The following NUP155 variants were observed in gnomAD, a reference collection of about 807,000 sequenced individuals.
NUP155 encodes nuclear pore complex protein Nup155.
Under a neutral mutation model 180.4 loss-of-function variants are expected in NUP155, and 71 were observed. That is an observed-to-expected ratio of 0.39 (90% CI 0.33 to 0.48). NUP155 has a LOEUF of 0.48. NUP155 is among the 20% of genes least tolerant of loss of function. The pLI, the probability that NUP155 is intolerant of heterozygous loss-of-function variation, is 0.91. For synonymous variants in NUP155, 582 were observed against 559.5 expected (o/e 1.04, Z -0.57); for missense variants, 1,553 against 1,648.9 (o/e 0.94, Z 1.01).
At chr5:37,304,321 A>C (rs999187007) in intron 27 of NUP155, among the ~76,000 whole-genome samples, 1 of 151,842 alleles carries the variant, frequency 6.6e-6, no homozygotes, top group Non-Finnish European at 1.5e-5. Context: ...CTTTGATAAC[A>C]CAGCTATTGA....
rs529978146 is a variant in NUP155 at position 37,298,692 on chromosome 5, CTTCA to C, written c.3793+172_3793+175del. ...GTCACAGAAAGTTTCATACTCAACT[CTTCA>C]TTAACAAATTCTGCCATTCTTTGGA... On this transcript the variant is annotated intron_variant, in intron 32 of 34. Coordinates refer to ENST00000231498, the MANE Select transcript of NUP155 (RefSeq NM_153485.3). Among the ~76,000 whole-genome samples, 8 of 152,318 alleles carry C rather than the reference CTTCA, an allele frequency of 5.3e-5. No individual in the cohort carries two copies. In the South Asian group the frequency reaches 1.7e-3, roughly 32 times the overall value.
intron 32 of NUP155, among the ~76,000 whole-genome samples, chr5:37,296,438 C>T (rs928855644): frequency 2.6e-5 from 4 of 151,982 alleles, no homozygotes. Flanking sequence ...GGATTAAGGG[C>T]GGTGCAAGAT....
intron 18 of NUP155, among the ~76,000 whole-genome samples, chr5:37,326,231 G>C (rs1006912784): frequency 5.9e-5 from 9 of 151,980 alleles, no homozygotes; most frequent in African/African-American, 2.2e-4. Context: ...ATTTATAAAG[G>C]GGCTCTGTAC....
intron 20 of NUP155, among the ~76,000 whole-genome samples, chr5:37,319,145 C>A (rs1744088246): frequency 6.6e-6 from 1 of 152,158 alleles, no homozygotes; most frequent in Admixed American, 6.6e-5. Flanking sequence ...AGAATAGGCA[C>A]ATCTACAGAG....
intron 4 of NUP155, among the ~76,000 whole-genome samples, chr5:37,353,591 A>T (rs1746614696): frequency 6.6e-6 from 1 of 152,142 alleles, no homozygotes; most frequent in Admixed American, 6.6e-5. Context: ...CAAAAAAAAT[A>T]AAAAAATAAA....
At chr5:37,300,022 C>T (rs1334914346) in intron 30 of NUP155, among the ~76,000 whole-genome samples, 6 of 146,564 alleles carry the variant, frequency 4.1e-5, no homozygotes, top group Admixed American at 1.4e-4. Context: ...TGTCTCCCCC[C>T]GCCAAAAAAA....
chr5:37,329,630 A>G (rs1744828100), intron 15 of NUP155, among the ~76,000 whole-genome samples: 1 of 152,230 alleles, frequency 6.6e-6, no homozygotes, highest in South Asian at 2.1e-4. Flanking sequence ...CACATTTCAA[A>G]TTCTTAAATA....
intron 10 of NUP155, 49 bp from the exon 11 acceptor site, chr5:37,341,291 A>C: frequency 6.6e-7 from 1 of 1,518,422 alleles, no homozygotes; most frequent in Non-Finnish European, 9.1e-7. Flanking sequence ...CAAGGACCTG[A>C]GGTAAATGTG....
chr5:37,370,907 TC>T lies in NUP155; in HGVS notation c.70del (p.Glu24LysfsTer82), dbSNP rs901622297. The T allele has an allele frequency of 6.2e-7, 1 of 1,614,078 alleles. No homozygotes were observed. Among genetic ancestry groups the T allele is most frequent in the African/African-American group, 1.3e-5 (1 of 74,942 alleles). On this transcript the variant is annotated frameshift_variant, in exon 1 of 35. Coordinates refer to ENST00000231498, the MANE Select transcript of NUP155 (RefSeq NM_153485.3). LOFTEE classifies it high-confidence loss of function. ...TSAAALQEAL[E>X]NAGRLIDRQL... ...ACGGTCGATGAGCCGTCCAGCATTT[TC>T]CAGAGCTTCCTGCAGGGCTGCGGCA...
At chr5:37,333,764 G>A (rs1159469672) in intron 12 of NUP155, 131 bp from the exon 13 acceptor site, 13 of 707,702 alleles carry the variant, frequency 1.8e-5, no homozygotes, top group South Asian at 7.2e-5. Flanking sequence ...AAAGTATTAT[G>A]TAATTTTCTA....
chr5:37,321,214 T>C (rs1744220889), intron 20 of NUP155, among the ~76,000 whole-genome samples: 1 of 151,768 alleles, frequency 6.6e-6, no homozygotes, highest in South Asian at 2.1e-4. Context: ...GGCATGGTGG[T>C]GTGGGGCTGT....
At chr5:37,299,224 T>C (rs1031875112) in intron 31 of NUP155, among the ~76,000 whole-genome samples, 6 of 152,176 alleles carry the variant, frequency 3.9e-5, no homozygotes, top group African/African-American at 1.4e-4. Flanking sequence ...ATAATATAAA[T>C]TAAATAACCT....
chr5:37,341,240 C>T lies in NUP155; in HGVS notation c.1096G>A (p.Val366Ile). ...CQLLAVTHAG[V>I]RLYFSTCPFR... ...GGACAAGTGCTAAAATATAACCTAA[C>T]ACCTGAAGATGGGGTAAAATTATGC... The change falls in exon 11 of 35, where the codon GTT (valine) becomes ATT (isoleucine). Residue 366 changes from valine (V) to isoleucine (I), a missense_variant and splice_region_variant. Val to Ile is a conservative substitution (Grantham distance 29, BLOSUM62 3). Transcript: ENST00000231498. The T allele has an allele frequency of 6.2e-7, 1 of 1,613,806 alleles. No individual in the cohort carries two copies. The highest frequency in any genetic ancestry group is 8.5e-7 in the Non-Finnish European group (1 of 1,179,726).
At chr5:37,334,532 C>T (rs895824208) in intron 12 of NUP155, among the ~76,000 whole-genome samples, 9 of 152,152 alleles carry the variant, frequency 5.9e-5, no homozygotes, top group Admixed American at 1.3e-4. Flanking sequence ...AGACGCACAC[C>T]ACCATACCCG....
intron 24 of NUP155, 51 bp downstream of exon 24, chr5:37,309,078 T>C: frequency 6.3e-7 from 1 of 1,587,164 alleles, no homozygotes; most frequent in Non-Finnish European, 8.6e-7. Context: ...CATACACTAT[T>C]GTTTGTCTTT....
At chr5:37,337,213 T>C (rs1050684911) in intron 12 of NUP155, among the ~76,000 whole-genome samples, 8 of 152,164 alleles carry the variant, frequency 5.3e-5, no homozygotes, top group African/African-American at 1.7e-4. Flanking sequence ...CACTTCATGA[T>C]GTATGTGGTG....
chr5:37,303,136 C>A, intron 28 of NUP155, 124 bp downstream of exon 28: 4 of 1,128,478 alleles, frequency 3.5e-6, no homozygotes, highest in Non-Finnish European at 5.1e-6. Flanking sequence ...AAAGTAACAT[C>A]CTATTTAAAA....
chr5:37,369,945 T>C (rs181457438), intron 1 of NUP155, among the ~76,000 whole-genome samples: 11 of 152,362 alleles, frequency 7.2e-5, no homozygotes, highest in Admixed American at 2.0e-4. Flanking sequence ...CAGTCACCTA[T>C]ATTGTCAACA....
intron 26 of NUP155, 52 bp downstream of exon 26, chr5:37,305,005 G>C: frequency 6.3e-7 from 1 of 1,595,750 alleles, no homozygotes; most frequent in Non-Finnish European, 8.6e-7. Context: ...CATTACCATG[G>C]AGAACTTCTA....
Sources: gnomAD v4.1 joint callset for allele counts (sites outside exome capture counted in the v4.1 genomes callset) on GRCh38, gnomAD v4.1.1 for gene constraint, MANE v1.5 for transcripts, NCBI Gene and HGNC (gene_info 2026-07-23, HGNC 2026-07-21) for gene names.